The following AUTS2 variants were observed in gnomAD, a reference collection of about 807,000 sequenced individuals.
AUTS2 encodes the protein activator of transcription and developmental regulator AUTS2, also known as autism susceptibility gene 2 protein.
In AUTS2, 17 loss-of-function variants were observed where a neutral mutation model predicts 112.4. The ratio of observed to expected loss-of-function variants is 0.15; its 90% CI spans 0.10 to 0.23. AUTS2 has a LOEUF of 0.23. AUTS2 is among the 10% of genes least tolerant of loss of function. AUTS2 has a pLI of 1.00. For missense variants in AUTS2, 1,510 were observed against 1,701.6 expected, an observed-to-expected ratio of 0.89 and a Z score of 1.98; for synonymous variants, 751 against 702.7, an observed-to-expected ratio of 1.07 and a Z score of -1.09.
intron 1 of AUTS2, among the ~76,000 whole-genome samples, chr7:69,758,779 T>G (rs1196040501): frequency 6.6e-6 from 1 of 152,134 alleles, no homozygotes; most frequent in Non-Finnish European, 1.5e-5. Context: ...GAGCAATCTT[T>G]GCAGAGACAC....
chr7:70,342,590 G>T (rs1585037676), intron 4 of AUTS2, among the ~76,000 whole-genome samples: 1 of 152,082 alleles, frequency 6.6e-6, no homozygotes, highest in East Asian at 1.9e-4. Context: ...TGGCTAGTGA[G>T]ACTAAGGAGC....
chr7:70,062,157 T>C (rs1333211789), intron 2 of AUTS2, among the ~76,000 whole-genome samples: 1 of 152,146 alleles, frequency 6.6e-6, no homozygotes, highest in Non-Finnish European at 1.5e-5. Flanking sequence ...TACTTTTCAT[T>C]TGAAATATTC....
intron 2 of AUTS2, among the ~76,000 whole-genome samples, chr7:69,996,421 C>A (rs1199279867): frequency 6.6e-6 from 1 of 152,180 alleles, no homozygotes; most frequent in African/African-American, 2.4e-5. Flanking sequence ...GGCTTCCTTG[C>A]AGGCCTGTTG....
intron 5 of AUTS2, among the ~76,000 whole-genome samples, chr7:70,503,059 G>A (rs1034030915): frequency 3.3e-5 from 5 of 152,088 alleles, no homozygotes; most frequent in African/African-American, 1.2e-4. Flanking sequence ...AGGGTGGGGA[G>A]GAAAGGAGCA....
At chr7:70,322,164 CT>C (rs1222221703) in intron 4 of AUTS2, among the ~76,000 whole-genome samples, 2 of 151,686 alleles carry the variant, frequency 1.3e-5, no homozygotes, top group African/African-American at 2.4e-5. Flanking sequence ...GCATTTGTGA[CT>C]TTTTTTAAAG....
intron 5 of AUTS2, among the ~76,000 whole-genome samples, chr7:70,552,489 G>T (rs1285925881): frequency 6.6e-6 from 1 of 152,190 alleles, no homozygotes; most frequent in East Asian, 1.9e-4. Flanking sequence ...TTCAGCAAAA[G>T]AAACTTCTGG....
intron 4 of AUTS2, among the ~76,000 whole-genome samples, chr7:70,304,205 A>G (rs578232378): frequency 1.3e-5 from 2 of 152,314 alleles, no homozygotes. Context: ...CCTTTAGCCA[A>G]TATCATGAAA....
intron 2 of AUTS2, among the ~76,000 whole-genome samples, chr7:70,115,979 A>G (rs1276480974): frequency 6.6e-6 from 1 of 152,190 alleles, no homozygotes; most frequent in Non-Finnish European, 1.5e-5. Context: ...GGAATGGACA[A>G]GAAACGTTCA....
At chr7:70,121,473 A>C (rs1187598294) in intron 3 of AUTS2, among the ~76,000 whole-genome samples, 1 of 152,186 alleles carries the variant, frequency 6.6e-6, no homozygotes, top group East Asian at 1.9e-4. Context: ...ATGTGTAAAG[A>C]ACTACAACTC....
chr7:70,269,213 G>C (rs1787571257), intron 4 of AUTS2, among the ~76,000 whole-genome samples: 1 of 152,126 alleles, frequency 6.6e-6, no homozygotes, highest in Non-Finnish European at 1.5e-5. Context: ...CCTCACAGCA[G>C]GTAGGAGCTT....
chr7:70,479,044 T>C (rs1797690541), intron 5 of AUTS2, among the ~76,000 whole-genome samples: 1 of 151,912 alleles, frequency 6.6e-6, no homozygotes, highest in South Asian at 2.1e-4. Context: ...TTTTTTTTTT[T>C]CTATCTCAGT....
intron 1 of AUTS2, among the ~76,000 whole-genome samples, chr7:69,769,043 C>T (rs916307199): frequency 1.3e-5 from 2 of 152,196 alleles, no homozygotes; most frequent in African/African-American, 2.4e-5. Flanking sequence ...AATTAACAAA[C>T]ACCCCAAGTC....
chr7:70,197,134 G>T (rs536891923), intron 4 of AUTS2, among the ~76,000 whole-genome samples: 1 of 152,258 alleles, frequency 6.6e-6, no homozygotes, highest in East Asian at 1.9e-4. Context: ...GTCAGAAATT[G>T]TGCTCATTTC....
intron 2 of AUTS2, among the ~76,000 whole-genome samples, chr7:70,092,681 T>C (rs1427846140): frequency 6.6e-6 from 1 of 152,108 alleles, no homozygotes; most frequent in African/African-American, 2.4e-5. Context: ...GCACTGAAAT[T>C]TCTTTGATGA....
chr7:70,128,287 T>C (rs1806084651), intron 3 of AUTS2, among the ~76,000 whole-genome samples: 1 of 152,188 alleles, frequency 6.6e-6, no homozygotes, highest in African/African-American at 2.4e-5. Context: ...GTCTGGGCAT[T>C]TGAGGTTGAG....
At chr7:69,730,461 A>G (rs1372221529) in intron 1 of AUTS2, among the ~76,000 whole-genome samples, 2 of 152,240 alleles carry the variant, frequency 1.3e-5, no homozygotes, top group Admixed American at 6.5e-5. Flanking sequence ...CTGTCGATAC[A>G]TATGCCCTCT....
intron 2 of AUTS2, among the ~76,000 whole-genome samples, chr7:70,007,418 A>G (rs762562052): frequency 7.2e-5 from 11 of 151,988 alleles, no homozygotes; most frequent in Non-Finnish European, 1.5e-4. Context: ...TTTTTTTTAG[A>G]GTTATGTGTG....
chr7:69,900,465 A>G (rs1412612726), intron 2 of AUTS2, among the ~76,000 whole-genome samples: 1 of 152,248 alleles, frequency 6.6e-6, no homozygotes, highest in Non-Finnish European at 1.5e-5. Flanking sequence ...TTCCCAAACC[A>G]CACAGATCTT....
chr7:70,634,749 G>C (rs1805447901), intron 5 of AUTS2, among the ~76,000 whole-genome samples: 1 of 152,144 alleles, frequency 6.6e-6, no homozygotes, highest in South Asian at 2.1e-4. Context: ...GCTTTTCTTA[G>C]CCTCAGCGTT....
Sources: allele counts gnomAD v4.1 joint callset (sites outside exome capture counted in the v4.1 genomes callset), GRCh38; gene constraint gnomAD v4.1.1; transcripts MANE v1.5; gene names NCBI Gene and HGNC (gene_info 2026-07-23, HGNC 2026-07-21).